Variants in ARSJ observed in about 807,000 individuals in gnomAD.
ARSJ encodes arylsulfatase family member J, also known as arylsulfatase J.
A neutral mutation model predicts 35.9 loss-of-function variants in ARSJ; 26 were observed. That is an observed-to-expected ratio of 0.72 (90% CI 0.53 to 1.00). The LOEUF is 1.00. Among genes scored for constraint, ARSJ ranks in the 50% least tolerant of loss-of-function variants. The pLI, the probability that ARSJ is intolerant of heterozygous loss-of-function variation, is 0.00. For synonymous variants in ARSJ, 294 were observed against 267.6 expected, an observed-to-expected ratio of 1.10 and a Z score of -0.96; for missense variants, 667 against 723.6, an observed-to-expected ratio of 0.92 and a Z score of 0.90.
intron 1 of ARSJ, among the ~76,000 whole-genome samples, chr4:113,965,708 C>T (rs1298065066): frequency 6.6e-6 from 1 of 151,942 alleles, no homozygotes; most frequent in Non-Finnish European, 1.5e-5. Context: ...ATTAACAAGA[C>T]TTTATGCTCA....
Position 113,902,929 on chromosome 4 carries a change from GGGTA to G in ARSJ, c.1141_1144del (p.Tyr381ProfsTer17). 6.2e-7 allele frequency: 1 copy of G among 1,614,124 alleles called. No individual in the cohort carries two copies. Among genetic ancestry groups the G allele is most frequent in the Non-Finnish European group, 8.5e-7 (1 of 1,180,028 alleles). ...TCCTTCAGCCAGTGAAATGAGAGTG[GGGTA>G]CCAGTCAGTGATGTGCACAAGTTCC... On this transcript the variant is annotated frameshift_variant, in exon 2 of 2. Transcript: ENST00000315366. LOFTEE classifies it high-confidence loss of function.
At chr4:113,934,680 G>T (rs1366476929) in intron 1 of ARSJ, among the ~76,000 whole-genome samples, 3 of 151,648 alleles carry the variant, frequency 2.0e-5, no homozygotes, top group Non-Finnish European at 4.4e-5. Context: ...GAATATTTAA[G>T]ATGAATATCC....
intron 1 of ARSJ, among the ~76,000 whole-genome samples, chr4:113,921,082 TAC>T (rs746326993): frequency 0.042 from 5,414 of 129,220 alleles, 123 homozygotes; most frequent in African/African-American, 0.056. Context: ...TTCCCTGAAA[TAC>T]ACACACACAC....
rs190095103 is a variant in ARSJ at position 113,908,874 on chromosome 4, A to G, written c.399-5199T>C. Among the ~76,000 whole-genome samples the G allele has an allele frequency of 2.0e-3, 309 of 152,260 alleles. 1 individual carries two copies. Among genetic ancestry groups the G allele is most frequent in the African/African-American group, 6.9e-3 (287 of 41,570 alleles). On this transcript the variant is annotated intron_variant, in intron 1 of 1. Coordinates refer to ENST00000315366, the MANE Select transcript of ARSJ (RefSeq NM_024590.4). ...ATTACCCTTTGGTGTATGTATTCCA[A>G]TTTGGAGACCACTGGTATAGAAAGT...
intron 1 of ARSJ, among the ~76,000 whole-genome samples, chr4:113,955,085 G>T (rs753258576): frequency 1.8e-4 from 27 of 150,518 alleles, no homozygotes; most frequent in Non-Finnish European, 3.4e-4. Flanking sequence ...AATTATTGGA[G>T]AAATCTGAGA....
At chr4:113,924,076 AATAT>A (rs1164333093) in intron 1 of ARSJ, among the ~76,000 whole-genome samples, 21 of 95,674 alleles carry the variant, frequency 2.2e-4, no homozygotes, top group African/African-American at 5.3e-4. Flanking sequence ...AATATATATA[AATAT>A]ATATATATAT....
At chr4:113,905,704 A>G (rs1025879477) in intron 1 of ARSJ, among the ~76,000 whole-genome samples, 2 of 109,608 alleles carry the variant, frequency 1.8e-5, no homozygotes, top group African/African-American at 3.6e-5. Flanking sequence ...GTCTCGCTCT[A>G]TCACCCAGGC....
chr4:113,974,378 G>A (rs1727463544), intron 1 of ARSJ, among the ~76,000 whole-genome samples: 1 of 152,068 alleles, frequency 6.6e-6, no homozygotes, highest in Non-Finnish European at 1.5e-5. Flanking sequence ...AAACACTGTT[G>A]AGGAGAGTGA....
At chr4:113,911,778 T>G (rs1171304040) in intron 1 of ARSJ, among the ~76,000 whole-genome samples, 2 of 152,172 alleles carry the variant, frequency 1.3e-5, no homozygotes, top group Admixed American at 1.3e-4. Flanking sequence ...TAGGATAAAG[T>G]AAAATAAATA....
At chr4:113,958,684 G>C (rs1371346269) in intron 1 of ARSJ, among the ~76,000 whole-genome samples, 1 of 152,028 alleles carries the variant, frequency 6.6e-6, no homozygotes, top group East Asian at 1.9e-4. Context: ...TTGGGAGAAG[G>C]ATGTGGCATT....
At position 113,902,829 on chromosome 4, in the gene ARSJ, T is replaced by C. The variant is rs778296440; in HGVS notation, c.1245A>G (p.Arg415=). The change falls in exon 2 of 2, where the codon CGA becomes CGG. Residue 415 remains arginine (R), a synonymous_variant. Transcript: ENST00000315366. ...GGTCAATGTTATGCAAAATATCTAC[T>C]CGGGGTGAGCGAAGACCCTCACTTA... is the stretch of plus-strand genomic sequence containing the variant. ...ETISEGLRSP[R]VDILHNIDPI... 1.2e-6 allele frequency: 2 copies of C among 1,614,134 alleles called. No individual in the cohort carries two copies. Among genetic ancestry groups the C allele is most frequent in the Admixed American group, 1.7e-5 (1 of 60,010 alleles).
At chr4:113,969,834 G>T (rs939885628) in intron 1 of ARSJ, among the ~76,000 whole-genome samples, 4 of 151,956 alleles carry the variant, frequency 2.6e-5, no homozygotes, top group African/African-American at 9.7e-5. Context: ...CATTTACTTA[G>T]TGCCTATTAG....
chr4:113,972,246 G>A (rs1288958253), intron 1 of ARSJ, among the ~76,000 whole-genome samples: 3 of 131,278 alleles, frequency 2.3e-5, no homozygotes, highest in Non-Finnish European at 4.6e-5. Context: ...TCCAGGAAGA[G>A]GCTATAATTA....
rs1562345844 is a variant in ARSJ at position 113,924,106 on chromosome 4, T to TAA, written c.399-20432_399-20431insTT. Among the ~76,000 whole-genome samples the TAA allele has an allele frequency of 1.5e-4, 20 of 134,820 alleles. 1 individual carries two copies. The highest frequency in any genetic ancestry group is 5.8e-4 in the African/African-American group (20 of 34,600). 88.4% of individuals were successfully genotyped at this position (134,820 alleles called of 152,430 possible). A position where few individuals can be genotyped will look rare whatever the true frequency, so the allele number is the denominator to read the frequency against. On this transcript the variant is annotated intron_variant, in intron 1 of 1. Transcript: ENST00000315366. Reference sequence around the variant, plus strand: ...ATATATATATATATATATATATATATATATATATATATATAAAGGGGAGTT... The same window carrying TAA: ...ATATATATATATATATATATATATATAAATATATATATATATAAAGGGGAGTT...
chr4:113,932,314 T>C (rs1724505252), intron 1 of ARSJ, among the ~76,000 whole-genome samples: 1 of 151,964 alleles, frequency 6.6e-6, no homozygotes. Flanking sequence ...ATTATCCAGA[T>C]AGAAAATCAA....
At chr4:113,947,378 G>A (rs945033187) in intron 1 of ARSJ, among the ~76,000 whole-genome samples, 3 of 152,138 alleles carry the variant, frequency 2.0e-5, no homozygotes, top group East Asian at 1.9e-4. Flanking sequence ...TGCTTGGGAG[G>A]TTGAGGCACG....
chr4:113,969,481 A>G, intron 1 of ARSJ, among the ~76,000 whole-genome samples: 1 of 152,236 alleles, frequency 6.6e-6, no homozygotes, highest in East Asian at 1.9e-4. Flanking sequence ...TATTGCGAAG[A>G]CATAACTATA....
chr4:113,903,074 C>G lies in ARSJ; in HGVS notation c.1000G>C (p.Ala334Pro), dbSNP rs775804433. The part of the protein sequence containing the change: ...YSSDNGGQPT[A>P]GGSNWPLRGS... Reference sequence around the variant, plus strand: ...CTGAGAGGCCAGTTACTCCCTCCTGCCGTAGGCTGGCCACCATTATCTGAA... The same window carrying G: ...CTGAGAGGCCAGTTACTCCCTCCTGGCGTAGGCTGGCCACCATTATCTGAA... The change falls in exon 2 of 2, where the codon GCA becomes CCA. Residue 334 changes from alanine to proline, a missense_variant. Transcript: ENST00000315366. 2 of 1,614,060 alleles carry G rather than the reference C, an allele frequency of 1.2e-6. No individual in the cohort carries two copies. The highest frequency in any genetic ancestry group is 2.7e-5 in the African/African-American group (2 of 74,924).
chr4:113,977,535 A>C (rs12505253), intron 1 of ARSJ, among the ~76,000 whole-genome samples: 94,655 of 152,006 alleles, frequency 0.62, 29,918 homozygotes, highest in East Asian at 0.83. Context: ...ATGGCTAAGG[A>C]TTTTCTTCTA....
Sources: gnomAD v4.1 joint callset for allele counts (sites outside exome capture counted in the v4.1 genomes callset) on GRCh38, gnomAD v4.1.1 for gene constraint, MANE v1.5 for transcripts, NCBI Gene and HGNC (gene_info 2026-07-23, HGNC 2026-07-21) for gene names.